Variants in GAB2 observed in about 807,000 individuals in gnomAD.
GAB2 encodes GRB2-associated-binding protein 2.
GAB2 carries 26 observed loss-of-function variants against 65.5 expected under a neutral mutation model. The observed-to-expected ratio is 0.40, with a 90% CI of 0.29 to 0.55. The LOEUF is 0.55. Ranked by LOEUF, GAB2 falls within the 20% of genes least tolerant of loss-of-function variation. The pLI, the probability that GAB2 is intolerant of heterozygous loss-of-function variation, is 0.53. For synonymous variants in GAB2, 321 were observed against 329.6 expected (o/e 0.97, Z 0.28); for missense variants, 884 against 875.8 (o/e 1.01, Z -0.12).
chr11:78,335,833 T>C (rs1855987926), intron 1 of GAB2, among the ~76,000 whole-genome samples: 1 of 152,184 alleles, frequency 6.6e-6, no homozygotes, highest in South Asian at 2.1e-4. Context: ...AGTATGGACA[T>C]TTTAACAATA....
In GAB2 at chr11:78,250,156, C is replaced by T; in HGVS notation, c.620+1G>A. ...ACCTAATGGCTGTGGCAGCCTCCTA[C>T]CTTGCATTTTCTGCTCTTCGGCTTA... On this transcript the variant is annotated splice_donor_variant, in intron 3 of 9. Transcript: ENST00000361507. LOFTEE classifies it high-confidence loss of function. 5 of 1,612,466 alleles carry T rather than the reference C, an allele frequency of 3.1e-6. No homozygotes were observed. The highest frequency in any genetic ancestry group is 3.4e-6 in the Non-Finnish European group (4 of 1,179,874).
chr11:78,367,098 G>C (rs1311562028), intron 1 of GAB2, among the ~76,000 whole-genome samples: 1 of 152,164 alleles, frequency 6.6e-6, no homozygotes, highest in Non-Finnish European at 1.5e-5. Flanking sequence ...TATCTCAGGG[G>C]TAAAGGGGAA....
chr11:78,403,854 T>C (rs1173020955), intron 1 of GAB2, among the ~76,000 whole-genome samples: 1 of 152,118 alleles, frequency 6.6e-6, no homozygotes, highest in Non-Finnish European at 1.5e-5. Context: ...AAGGGATTAA[T>C]AACTAGAATA....
At position 78,341,909 on chromosome 11, in the gene GAB2, G is replaced by C. The variant is rs1591051966; in HGVS notation, c.76-61008C>G. The C allele has an allele frequency of 5.1e-6, 5 of 984,732 alleles. No individual in the cohort carries two copies. The South Asian group carries it at 1.9e-4, about 37-fold the overall frequency. The allele number at this position is 984,732 out of a possible 1,614,324, so 61.0% of individuals were successfully genotyped here. ...TCCAAGTTATCATCTGAATGGCTAA[G>C]TGCAATGTTTAAAAATGCCTCAGAA... is the stretch of plus-strand genomic sequence containing the variant. On this transcript the variant is annotated intron_variant, in intron 1 of 9. Coordinates refer to ENST00000361507, the MANE Select transcript of GAB2 (RefSeq NM_080491.3).
chr11:78,239,027 A>C (rs569216195), intron 3 of GAB2, among the ~76,000 whole-genome samples: 1 of 152,106 alleles, frequency 6.6e-6, no homozygotes, highest in Non-Finnish European at 1.5e-5. Flanking sequence ...AAGTTGCTCA[A>C]CACCACTAAT....
At chr11:78,234,547 G>C (rs1478663848) in intron 3 of GAB2, among the ~76,000 whole-genome samples, 2 of 148,194 alleles carry the variant, frequency 1.3e-5, no homozygotes, top group East Asian at 3.9e-4. Flanking sequence ...TTCTCCATTG[G>C]CATCTATATA....
chr11:78,407,562 C>T lies in GAB2; in HGVS notation c.75+10084G>A, dbSNP rs116797981. Among the ~76,000 whole-genome samples, 1,193 of 151,348 alleles carry T rather than the reference C, an allele frequency of 7.9e-3. 17 individuals carry two copies. Among genetic ancestry groups the T allele is most frequent in the African/African-American group, 0.027 (1,125 of 41,216 alleles). ...GCAGGAGAATCTATTGAACCTGGGACGCAGACATTGCAGTGAGCCCAGATA... is the reference window on the plus strand; with the variant it reads ...GCAGGAGAATCTATTGAACCTGGGATGCAGACATTGCAGTGAGCCCAGATA... On this transcript the variant is annotated intron_variant, in intron 1 of 9. Coordinates refer to ENST00000361507, the MANE Select transcript of GAB2 (RefSeq NM_080491.3).
At chr11:78,271,186 G>A (rs1866000917) in intron 2 of GAB2, among the ~76,000 whole-genome samples, 1 of 152,212 alleles carries the variant, frequency 6.6e-6, no homozygotes, top group African/African-American at 2.4e-5. Flanking sequence ...ATCTGGTCAG[G>A]GATAGCTGCC....
chr11:78,308,789 A>T (rs1427936149), intron 1 of GAB2, among the ~76,000 whole-genome samples: 1 of 152,338 alleles, frequency 6.6e-6, no homozygotes, highest in East Asian at 1.9e-4. Flanking sequence ...ATATGACTGG[A>T]AAGAGACATT....
intron 1 of GAB2, among the ~76,000 whole-genome samples, chr11:78,294,156 A>C (rs1866758961): frequency 6.6e-6 from 1 of 152,120 alleles, no homozygotes; most frequent in Non-Finnish European, 1.5e-5. Flanking sequence ...TCTATGAGTG[A>C]GAACATGCGG....
chr11:78,222,420 G>A (rs1475877956), intron 6 of GAB2, among the ~76,000 whole-genome samples: 1 of 151,162 alleles, frequency 6.6e-6, no homozygotes, highest in African/African-American at 2.4e-5. Context: ...CTGTATCTAT[G>A]GTAATTATAT....
intron 3 of GAB2, among the ~76,000 whole-genome samples, chr11:78,234,265 T>TAG (rs550443040): frequency 1.5e-3 from 233 of 152,264 alleles, no homozygotes; most frequent in Non-Finnish European, 2.9e-3. Context: ...GTATTTTCTG[T>TAG]AGAGACTGGG....
intron 1 of GAB2, among the ~76,000 whole-genome samples, chr11:78,365,368 C>T (rs1248450169): frequency 6.6e-6 from 1 of 151,960 alleles, no homozygotes; most frequent in Non-Finnish European, 1.5e-5. Flanking sequence ...TCAGAAACTC[C>T]CCAGGGCACC....
intron 1 of GAB2, among the ~76,000 whole-genome samples, chr11:78,378,341 T>A (rs1856658330): frequency 1.3e-5 from 2 of 152,222 alleles, no homozygotes; most frequent in South Asian, 4.1e-4. Flanking sequence ...TCGCCTGGTA[T>A]CTAGAAAATT....
chr11:78,340,618 GAAAA>G (rs35065436), intron 1 of GAB2, among the ~76,000 whole-genome samples: 1 of 130,486 alleles, frequency 7.7e-6, no homozygotes, highest in African/African-American at 2.8e-5. Flanking sequence ...ATGTGAAGAG[GAAAA>G]AAAAAAAAAA....
intron 3 of GAB2, among the ~76,000 whole-genome samples, chr11:78,229,311 G>A (rs934602768): frequency 2.6e-5 from 4 of 152,170 alleles, no homozygotes; most frequent in East Asian, 3.8e-4. Flanking sequence ...CTAGAAACTC[G>A]AAGCTGCTCA....
At chr11:78,334,139 G>A (rs1855960965) in intron 1 of GAB2, among the ~76,000 whole-genome samples, 1 of 151,968 alleles carries the variant, frequency 6.6e-6, no homozygotes, top group African/African-American at 2.4e-5. Context: ...ATTTTTGTGG[G>A]TACATAGTAG....
chr11:78,216,625 G>A lies in GAB2; in HGVS notation c.*2647C>T, dbSNP rs1466475013. On this transcript the variant is annotated 3_prime_UTR_variant, in exon 10 of 10. Coordinates refer to ENST00000361507, the MANE Select transcript of GAB2 (RefSeq NM_080491.3). ...CCTCCTGGTAGTTACCAGAATAGGGGGCTGGAAGGAAGCCTCCTGGGAGAT... is the reference window on the plus strand; with the variant it reads ...CCTCCTGGTAGTTACCAGAATAGGGAGCTGGAAGGAAGCCTCCTGGGAGAT... 1.3e-5 allele frequency: 2 copies of A among 150,436 alleles called. No homozygotes were observed. Among genetic ancestry groups the A allele is most frequent in the East Asian group, 3.9e-4 (2 of 5,186 alleles). The allele number at this position is 150,436 out of a possible 1,614,324, so 9.3% of individuals were successfully genotyped here. A position where few individuals can be genotyped will look rare whatever the true frequency, so the allele number is the denominator to read the frequency against.
At chr11:78,416,277 T>G (rs2135105564) in intron 1 of GAB2, among the ~76,000 whole-genome samples, 1 of 152,314 alleles carries the variant, frequency 6.6e-6, no homozygotes, top group East Asian at 1.9e-4. Context: ...GCTAAATCCT[T>G]AGATTTTTTT....
Sources: allele counts gnomAD v4.1 joint callset (sites outside exome capture counted in the v4.1 genomes callset), GRCh38; gene constraint gnomAD v4.1.1; transcripts MANE v1.5; gene names NCBI Gene and HGNC (gene_info 2026-07-23, HGNC 2026-07-21).